Variants in SNX24 observed in about 807,000 individuals in gnomAD.
SNX24 encodes sorting nexin-24.
SNX24 carries 22 observed loss-of-function variants against 28.7 expected under a neutral mutation model. The ratio of observed to expected loss-of-function variants is 0.77; its 90% CI spans 0.55 to 1.10. The LOEUF (loss-of-function observed/expected upper bound fraction) is 1.10, where lower values mean the gene tolerates loss of function less well. Ranked by LOEUF, SNX24 falls within the 50% of genes least tolerant of loss-of-function variation. The probability of loss-of-function intolerance (pLI) is 0.00; values close to 1 mark genes in which losing one functional copy is unlikely to be tolerated. For synonymous variants in SNX24, 69 were observed against 71.5 expected, an observed-to-expected ratio of 0.96 and a Z score of 0.18; for missense variants, 221 against 201.1, an observed-to-expected ratio of 1.10 and a Z score of -0.60.
chr5:122,904,462 T>G (rs1435342689), intron 1 of SNX24, among the ~76,000 whole-genome samples: 1 of 152,196 alleles, frequency 6.6e-6, no homozygotes, highest in Non-Finnish European at 1.5e-5. Context: ...GGATTACAGG[T>G]GTGAGCCACC....
At chr5:122,939,651 A>C (rs1434202194) in intron 2 of SNX24, among the ~76,000 whole-genome samples, 1 of 152,030 alleles carries the variant, frequency 6.6e-6, no homozygotes, top group Non-Finnish European at 1.5e-5. Flanking sequence ...ATTTTCTTTT[A>C]GTTTTTGTAG....
At chr5:122,904,042 C>G (rs937096650) in intron 1 of SNX24, among the ~76,000 whole-genome samples, 5 of 152,042 alleles carry the variant, frequency 3.3e-5, no homozygotes. Flanking sequence ...GGAGACCTTA[C>G]ATTTTTTTTC....
chr5:122,853,288 T>C (rs578002481), intron 1 of SNX24, among the ~76,000 whole-genome samples: 1 of 151,922 alleles, frequency 6.6e-6, no homozygotes, highest in African/African-American at 2.4e-5. Flanking sequence ...CACCAAGGCC[T>C]GCTAATGTTT....
At chr5:122,950,460 C>T (rs941659492) in intron 3 of SNX24, among the ~76,000 whole-genome samples, 3 of 152,120 alleles carry the variant, frequency 2.0e-5, no homozygotes, top group Non-Finnish European at 4.4e-5. Context: ...CTCTGTCGCT[C>T]CTCTCTGCTT....
chr5:122,929,753 T>G (rs1758867044), intron 1 of SNX24, among the ~76,000 whole-genome samples: 1 of 152,128 alleles, frequency 6.6e-6, no homozygotes, highest in Non-Finnish European at 1.5e-5. Flanking sequence ...GCATTCTTCT[T>G]GGAGCTCTCT....
rs538124401 is a variant in SNX24, at chr5:122,889,154, G to A, written c.60+43461G>A. Among the ~76,000 whole-genome samples the A allele has an allele frequency of 7.8e-4, 118 of 152,170 alleles. 1 individual carries two copies. Among genetic ancestry groups the A allele is most frequent in the African/African-American group, 2.6e-3 (108 of 41,514 alleles). On this transcript the variant is annotated intron_variant, in intron 1 of 6. Coordinates refer to ENST00000261369, the MANE Select transcript of SNX24 (RefSeq NM_014035.4). The stretch of plus-strand genomic sequence containing the variant: ...CGCATTGAGCTACCGTGCCTGGCCA[G>A]GACAACTTTTTAAATAACTTTATTT...
chr5:122,887,523 T>A (rs1486729557), intron 1 of SNX24, among the ~76,000 whole-genome samples: 3 of 152,194 alleles, frequency 2.0e-5, no homozygotes, highest in African/African-American at 7.2e-5. Context: ...TTTAGATGTA[T>A]GTAGAGTCTT....
chr5:123,020,883 GT>G (rs1762752013), intron 5 of SNX24, among the ~76,000 whole-genome samples: 1 of 152,164 alleles, frequency 6.6e-6, no homozygotes, highest in Non-Finnish European at 1.5e-5. Context: ...CATTCTGGAA[GT>G]CCAATGATGG....
chr5:122,874,122 G>A (rs981052030), intron 1 of SNX24, among the ~76,000 whole-genome samples: 1 of 152,126 alleles, frequency 6.6e-6, no homozygotes, highest in African/African-American at 2.4e-5. Flanking sequence ...AGTTAAATCA[G>A]CTCATCCTGT....
chr5:122,942,136 C>T (rs770721265), intron 2 of SNX24, among the ~76,000 whole-genome samples: 2 of 152,208 alleles, frequency 1.3e-5, no homozygotes, highest in African/African-American at 2.4e-5. Flanking sequence ...AACTGCTAAG[C>T]ACATTTTATT....
intron 3 of SNX24, among the ~76,000 whole-genome samples, chr5:122,994,330 A>T (rs1161362220): frequency 2.0e-5 from 3 of 152,222 alleles, no homozygotes; most frequent in Non-Finnish European, 4.4e-5. Context: ...AAATCATTAC[A>T]GTGTTTATAT....
intron 3 of SNX24, among the ~76,000 whole-genome samples, chr5:122,970,092 A>C: frequency 6.6e-6 from 1 of 151,204 alleles, no homozygotes; most frequent in Non-Finnish European, 1.5e-5. Flanking sequence ...GTTGTTGTTT[A>C]CTGCTTTTTT....
intron 5 of SNX24, among the ~76,000 whole-genome samples, chr5:123,014,784 T>C (rs1390365811): frequency 6.6e-6 from 1 of 152,214 alleles, no homozygotes; most frequent in East Asian, 1.9e-4. Context: ...TCCGAGTTCT[T>C]TCTACATTCT....
intron 1 of SNX24, among the ~76,000 whole-genome samples, chr5:122,855,775 T>C (rs745900419): frequency 6.6e-5 from 10 of 152,202 alleles, no homozygotes; most frequent in Non-Finnish European, 1.3e-4. Flanking sequence ...TTGCCCTTCC[T>C]TAAGAAGCAA....
chr5:122,850,633 G>T (rs1403913628), intron 1 of SNX24, among the ~76,000 whole-genome samples: 1 of 152,052 alleles, frequency 6.6e-6, no homozygotes, highest in Non-Finnish European at 1.5e-5. Flanking sequence ...GTGGGTGCAG[G>T]TACCAGTAAG....
chr5:122,884,101 C>G (rs568207580), intron 1 of SNX24, among the ~76,000 whole-genome samples: 1 of 152,296 alleles, frequency 6.6e-6, no homozygotes, highest in South Asian at 2.1e-4. Flanking sequence ...GTTTTACTCA[C>G]AAAGTTAGAA....
chr5:122,996,134 A>G (rs933692190), intron 3 of SNX24, among the ~76,000 whole-genome samples: 1 of 152,228 alleles, frequency 6.6e-6, no homozygotes, highest in Non-Finnish European at 1.5e-5. Context: ...CAGTAGCCTC[A>G]ATGCCAAACG....
chr5:122,888,930 C>T (rs1040678721), intron 1 of SNX24, among the ~76,000 whole-genome samples: 2 of 152,182 alleles, frequency 1.3e-5, no homozygotes, highest in African/African-American at 4.8e-5. Flanking sequence ...CAGCTCACTG[C>T]AGCCTCTGCC....
At chr5:122,899,652 G>A (rs944741215) in intron 1 of SNX24, among the ~76,000 whole-genome samples, 6 of 152,146 alleles carry the variant, frequency 3.9e-5, no homozygotes, top group Middle Eastern at 3.4e-3. Flanking sequence ...TAAGCAGTAC[G>A]CCTGCCTCAG....
Sources: gnomAD v4.1 joint callset for allele counts (sites outside exome capture counted in the v4.1 genomes callset) on GRCh38, gnomAD v4.1.1 for gene constraint, MANE v1.5 for transcripts, NCBI Gene and HGNC (gene_info 2026-07-23, HGNC 2026-07-21) for gene names.